The following WNT2 variants were observed in gnomAD, a reference collection of about 807,000 sequenced individuals.
WNT2 encodes the protein Wnt family member 2.
In WNT2, 12 loss-of-function variants were observed where a neutral mutation model predicts 36.9. That is an observed-to-expected ratio of 0.33 (90% CI 0.21 to 0.53). The LOEUF (loss-of-function observed/expected upper bound fraction) is 0.53. Among genes scored for constraint, WNT2 ranks in the 20% least tolerant of loss-of-function variants. The pLI is 0.95. For missense variants in WNT2, 379 were observed against 473.1 expected, an observed-to-expected ratio of 0.80 and a Z score of 1.84; for synonymous variants, 163 against 174.6, an observed-to-expected ratio of 0.93 and a Z score of 0.52.
chr7:117,318,549 A>T (rs1392323485), intron 2 of WNT2, among the ~76,000 whole-genome samples: 2 of 152,176 alleles, frequency 1.3e-5, no homozygotes, highest in East Asian at 1.9e-4. Context: ...GACTAATTTA[A>T]ACTAGTTCTG....
At chr7:117,289,800 G>A (rs1350630400) in intron 4 of WNT2, among the ~76,000 whole-genome samples, 8 of 152,158 alleles carry the variant, frequency 5.3e-5, no homozygotes, top group Non-Finnish European at 1.0e-4. Context: ...ACACACTGTG[G>A]CACATGCTAT....
In WNT2 at chr7:117,278,162, G is replaced by A. The variant is rs745633327; in HGVS notation, c.1076C>T (p.Ala359Val). The stretch of plus-strand genomic sequence containing the variant: ...TGGTGACGCCTGCTGGGGTCATGTA[G>A]CGGTTGTCCAGTCAGCGTTCTTGGG... ...KAPKNADWTT[A>V]T Residue 359 changes from alanine to valine, a missense_variant, in exon 5 of 5, where the codon GCT becomes GTT. Transcript: ENST00000265441. 1.2e-6 allele frequency: 2 copies of A among 1,614,112 alleles called. No homozygotes were observed. The highest frequency in any genetic ancestry group is 1.3e-5 in the African/African-American group (1 of 74,946).
intron 4 of WNT2, among the ~76,000 whole-genome samples, chr7:117,279,342 C>T (rs999817554): frequency 2.0e-5 from 3 of 152,250 alleles, no homozygotes; most frequent in Middle Eastern, 3.4e-3. Context: ...ACTTCCTCCC[C>T]CACAGAGATG....
In WNT2 at chr7:117,278,361, C is replaced by G; in HGVS notation, c.877G>C (p.Val293Leu). The G allele has an allele frequency of 6.2e-7, 1 of 1,613,918 alleles. No homozygotes were observed. Among genetic ancestry groups the G allele is most frequent in the Non-Finnish European group, 8.5e-7 (1 of 1,179,928 alleles). The change falls in exon 5 of 5, where the codon GTG (valine) becomes CTG (leucine). Residue 293 changes from valine (V) to leucine (L), a missense_variant. Physicochemically the swap from Val to Leu is conservative, Grantham distance 32 (BLOSUM62 1). Transcript: ENST00000265441. The part of the protein sequence containing the change: ...EAGSLGTAGR[V>L]CNLTSRGMDS... ...ATGCCCCGGGAAGTCAGGTTGCACA[C>G]ACGGCCTGCTGTACCCAGGGAGCCT...
At chr7:117,290,725 C>G (rs1320785543) in intron 4 of WNT2, among the ~76,000 whole-genome samples, 1 of 152,208 alleles carries the variant, frequency 6.6e-6, no homozygotes, top group Non-Finnish European at 1.5e-5. Flanking sequence ...TTCTCCAGCA[C>G]CTAGACTGTG....
At chr7:117,281,578 A>G (rs1184340653) in intron 4 of WNT2, among the ~76,000 whole-genome samples, 1 of 152,100 alleles carries the variant, frequency 6.6e-6, no homozygotes, top group Non-Finnish European at 1.5e-5. Flanking sequence ...GATTTTTATT[A>G]CAAGGTGGGT....
intron 3 of WNT2, among the ~76,000 whole-genome samples, chr7:117,305,682 G>C (rs921991279): frequency 2.0e-5 from 3 of 152,184 alleles, no homozygotes; most frequent in Non-Finnish European, 2.9e-5. Flanking sequence ...ATGTTTTTGA[G>C]ATGAGCTCTT....
At position 117,278,265 on chromosome 7, in the gene WNT2, C is replaced by T; in HGVS notation, c.973G>A (p.Gly325Arg). The change falls in exon 5 of 5, where the codon GGG (glycine) becomes AGG (arginine). Residue 325 changes from glycine (G) to arginine (R), a missense_variant. Transcript: ENST00000265441. Reference sequence around the variant, plus strand: ...GCGCAGCACCAGTGGAACTTACACCCACACTTGGTCATCCGGGTGACATGG... The same window carrying T: ...GCGCAGCACCAGTGGAACTTACACCTACACTTGGTCATCCGGGTGACATGG... ...TSHVTRMTKC[G>R]CKFHWCCAVR... 6.2e-7 allele frequency: 1 copy of T among 1,614,248 alleles called. No individual in the cohort carries two copies. Among genetic ancestry groups the T allele is most frequent in the Non-Finnish European group, 8.5e-7 (1 of 1,180,052 alleles).
intron 3 of WNT2, among the ~76,000 whole-genome samples, chr7:117,303,103 G>A (rs967300836): frequency 6.6e-6 from 1 of 152,126 alleles, no homozygotes; most frequent in Non-Finnish European, 1.5e-5. Context: ...TAGGGTGGAC[G>A]TGAGGCCTGG....
chr7:117,315,399 A>G, intron 2 of WNT2, 51 bp from the exon 3 acceptor site: 7 of 1,535,354 alleles, frequency 4.6e-6, no homozygotes, highest in Non-Finnish European at 6.2e-6. Context: ...CTATTTCTGA[A>G]TAACTTTCAT....
intron 3 of WNT2, among the ~76,000 whole-genome samples, chr7:117,304,958 G>A (rs1048386942): frequency 1.3e-5 from 2 of 152,186 alleles, no homozygotes; most frequent in African/African-American, 2.4e-5. Flanking sequence ...AGAGGAAGGA[G>A]CAGGGCTTGT....
intron 1 of WNT2, among the ~76,000 whole-genome samples, chr7:117,321,532 T>G (rs997440952): frequency 3.3e-5 from 5 of 152,208 alleles, no homozygotes; most frequent in Non-Finnish European, 5.9e-5. Context: ...ACCCAGATGT[T>G]CTCTATTAGT....
At chr7:117,294,099 A>G (rs969029951) in intron 4 of WNT2, among the ~76,000 whole-genome samples, 2 of 152,086 alleles carry the variant, frequency 1.3e-5, no homozygotes, top group African/African-American at 4.8e-5. Context: ...GTCTCTCACT[A>G]TGTTACCCAG....
At chr7:117,319,556 T>G (rs1358636156) in intron 2 of WNT2, among the ~76,000 whole-genome samples, 1 of 151,834 alleles carries the variant, frequency 6.6e-6, no homozygotes, top group Non-Finnish European at 1.5e-5. Flanking sequence ...AGTAAAAAGT[T>G]TCCTATTTTG....
chr7:117,321,046 G>A (rs934356009), intron 1 of WNT2, among the ~76,000 whole-genome samples: 1 of 152,172 alleles, frequency 6.6e-6, no homozygotes, highest in Non-Finnish European at 1.5e-5. Flanking sequence ...ATGAAGCTAG[G>A]TCTACCAGAT....
chr7:117,313,011 A>C (rs1795150432), intron 3 of WNT2, among the ~76,000 whole-genome samples: 1 of 152,232 alleles, frequency 6.6e-6, no homozygotes, highest in Admixed American at 6.5e-5. Context: ...GCTGAAAAGC[A>C]CAAAGAAGAA....
intron 4 of WNT2, among the ~76,000 whole-genome samples, chr7:117,292,178 G>A (rs1191849854): frequency 6.6e-6 from 1 of 152,070 alleles, no homozygotes; most frequent in East Asian, 1.9e-4. Flanking sequence ...CAAAATGTGG[G>A]TGAAGCTTGA....
At chr7:117,290,340 T>C (rs993988454) in intron 4 of WNT2, among the ~76,000 whole-genome samples, 2 of 152,284 alleles carry the variant, frequency 1.3e-5, no homozygotes, top group East Asian at 1.9e-4. Flanking sequence ...AGTGTAGTTA[T>C]AAAGTCAAGG....
chr7:117,287,580 C>T lies in WNT2; in HGVS notation c.854-9196G>A, dbSNP rs138246361. 6.3e-3 allele frequency among the ~76,000 whole-genome samples: 962 copies of T among 152,204 alleles called. 13 individuals carry two copies. Among genetic ancestry groups the T allele is most frequent in the African/African-American group, 0.022 (906 of 41,528 alleles). On this transcript the variant is annotated intron_variant, in intron 4 of 4. Transcript: ENST00000265441. ...ATCATTTTTTCATGCATCTTGTCTC[C>T]CCAGGGACAGGGGTTGGGTCTTATG...
Sources: allele counts gnomAD v4.1 joint callset (sites outside exome capture counted in the v4.1 genomes callset), GRCh38; gene constraint gnomAD v4.1.1; transcripts MANE v1.5; gene names NCBI Gene and HGNC (gene_info 2026-07-23, HGNC 2026-07-21).